PTPRN2: variants seen among roughly 807,000 people sequenced by gnomAD.
PTPRN2 encodes the protein protein tyrosine phosphatase receptor type N2, also known as receptor-type tyrosine-protein phosphatase N2.
A neutral mutation model predicts 118.8 loss-of-function variants in PTPRN2; 74 were observed. The ratio of observed to expected loss-of-function variants is 0.62; its 90% confidence interval spans 0.52 to 0.76. The LOEUF (loss-of-function observed/expected upper bound fraction) is 0.76, where lower values mean the gene tolerates loss of function less well. Among genes scored for constraint, PTPRN2 ranks in the 30% least tolerant of loss-of-function variants. PTPRN2 has a pLI of 0.00. For missense variants in PTPRN2, 1,481 were observed against 1,394.4 expected, an observed-to-expected ratio of 1.06 and a Z score of -0.99; for synonymous variants, 641 against 608.0, an observed-to-expected ratio of 1.05 and a Z score of -0.80.
intron 11 of PTPRN2, among the ~76,000 whole-genome samples, chr7:157,902,263 G>T (rs1478153263): frequency 6.6e-6 from 1 of 152,282 alleles, no homozygotes; most frequent in African/African-American, 2.4e-5. Context: ...CTCAGAGGAT[G>T]ATCTTGTTGG....
At chr7:157,658,391 C>T (rs977892440) in intron 13 of PTPRN2, among the ~76,000 whole-genome samples, 1 of 152,222 alleles carries the variant, frequency 6.6e-6, no homozygotes, top group African/African-American at 2.4e-5. Flanking sequence ...GCTGAGTAGA[C>T]ACCAAAGCAG....
intron 12 of PTPRN2, among the ~76,000 whole-genome samples, chr7:157,706,564 G>A (rs1200558827): frequency 1.3e-5 from 2 of 151,664 alleles, no homozygotes; most frequent in Non-Finnish European, 1.5e-5. Context: ...CTGGATAAAC[G>A]TGGACCACAT....
chr7:158,420,700 G>A (rs556474423), intron 2 of PTPRN2, among the ~76,000 whole-genome samples: 2 of 152,278 alleles, frequency 1.3e-5, no homozygotes, highest in Non-Finnish European at 2.9e-5. Flanking sequence ...GGGCTTCCCA[G>A]AAGATACTCC....
chr7:157,917,181 G>A (rs920647072), intron 11 of PTPRN2, among the ~76,000 whole-genome samples: 1 of 152,262 alleles, frequency 6.6e-6, no homozygotes, highest in Admixed American at 6.5e-5. Flanking sequence ...TCCAGGACAG[G>A]CTGCCGCAGC....
intron 3 of PTPRN2, among the ~76,000 whole-genome samples, chr7:158,259,442 C>A (rs146221104): frequency 1.3e-5 from 2 of 152,230 alleles, no homozygotes; most frequent in East Asian, 1.9e-4. Context: ...ATCACAGACA[C>A]CCCTCAGAGC....
rs1483569121 is a variant in PTPRN2, at chr7:157,622,118, C to T, written c.2197-609G>A. On this transcript the variant is annotated intron_variant, in intron 14 of 22. Coordinates refer to ENST00000389418, the MANE Select transcript of PTPRN2 (RefSeq NM_002847.5). The surrounding 1 kb of genome is among the most constrained non-coding windows in gnomAD (Gnocchi z 5.3). ...TGAAAATTCCCTTCCACAAAAACCC[C>T]CATGCCGCCAGCACAGCCCACTCGG... is the stretch of plus-strand genomic sequence containing the variant. Among the ~76,000 whole-genome samples, 1 of 152,074 alleles carries T rather than the reference C, an allele frequency of 6.6e-6. No homozygotes were observed. The highest frequency in any genetic ancestry group is 1.5e-5 in the Non-Finnish European group (1 of 68,020).
intron 2 of PTPRN2, among the ~76,000 whole-genome samples, chr7:158,408,410 T>A (rs773795167): frequency 6.6e-6 from 1 of 152,352 alleles, no homozygotes; most frequent in Middle Eastern, 3.4e-3. Flanking sequence ...ATTTTTCAAA[T>A]AGACTTTTAA....
intron 11 of PTPRN2, among the ~76,000 whole-genome samples, chr7:157,946,522 G>C (rs191451883): frequency 6.6e-6 from 1 of 152,180 alleles, no homozygotes; most frequent in South Asian, 2.1e-4. Flanking sequence ...ATGCAGCCCA[G>C]ATGTGAAGGC....
At chr7:157,917,425 G>C (rs1256144731) in intron 11 of PTPRN2, among the ~76,000 whole-genome samples, 2 of 152,224 alleles carry the variant, frequency 1.3e-5, no homozygotes, top group South Asian at 2.1e-4. Flanking sequence ...AGCCATAACA[G>C]GGTAAATAAA....
chr7:157,917,341 T>C (rs1471032663), intron 11 of PTPRN2, among the ~76,000 whole-genome samples: 1 of 152,236 alleles, frequency 6.6e-6, no homozygotes, highest in Non-Finnish European at 1.5e-5. Context: ...ATTTTCTCCT[T>C]GGAAACTGAA....
chr7:158,197,288 C>T (rs1391667473), intron 4 of PTPRN2, among the ~76,000 whole-genome samples: 1 of 152,134 alleles, frequency 6.6e-6, no homozygotes, highest in African/African-American at 2.4e-5. Context: ...CAAACATGAC[C>T]ATCTGGTACT....
chr7:158,337,620 A>C (rs6956541), intron 2 of PTPRN2, among the ~76,000 whole-genome samples: 1,388 of 35,782 alleles, frequency 0.039, no homozygotes, highest in South Asian at 0.047. Flanking sequence ...CCATAAGAGG[A>C]GACACCTGCA....
rs117235417 is a variant in PTPRN2 at position 158,282,466 on chromosome 7, A to T, written c.277+34353T>A. On this transcript the variant is annotated intron_variant, in intron 3 of 22. Transcript: ENST00000389418. ...GCAGATCAGGAGTCTGGCCTGGCTC[A>T]GATGTCCACAGCCAGGAAGCCGCGG... 1.9e-3 allele frequency among the ~76,000 whole-genome samples: 296 copies of T among 152,358 alleles called. 4 individuals are homozygous for T. The East Asian group carries it at 0.047, about 24-fold the overall frequency.
rs1371889860 is a variant in PTPRN2, at chr7:158,015,187, C to T, written c.1723+66111G>A. ...CGGTCAGCTGACCTTTCTTCATGAG[C>T]ACTGCAGAGTGCCAGTCTGTGCCTC... On this transcript the variant is annotated intron_variant, in intron 11 of 22. Coordinates refer to ENST00000389418, the MANE Select transcript of PTPRN2 (RefSeq NM_002847.5). This position sits in a 1 kb window ranked among gnomAD's most constrained non-coding sequence, Gnocchi z 4.2. Among the ~76,000 whole-genome samples the T allele has an allele frequency of 6.6e-6, 1 of 152,172 alleles. No individual in the cohort carries two copies. Among genetic ancestry groups the T allele is most frequent in the Non-Finnish European group, 1.5e-5 (1 of 68,044 alleles).
At chr7:158,515,562 A>G (rs1426685446) in intron 1 of PTPRN2, among the ~76,000 whole-genome samples, 3 of 152,120 alleles carry the variant, frequency 2.0e-5, no homozygotes, top group Non-Finnish European at 2.9e-5. Context: ...TTCTCACTCA[A>G]TTTGGCTGCA....
intron 11 of PTPRN2, among the ~76,000 whole-genome samples, chr7:157,947,834 G>C (rs1031402328): frequency 2.0e-5 from 3 of 152,214 alleles, no homozygotes; most frequent in African/African-American, 7.2e-5. Context: ...TTGTACTTGA[G>C]ATCGTCAATA....
In PTPRN2 at chr7:157,603,414, C is replaced by T. The variant is rs1017195788; in HGVS notation, c.2418+588G>A. ...CCACAGGCCACAGGGACTCATAACT[C>T]ACGGCACAGGAGCTGCCACCACACT... On this transcript the variant is annotated intron_variant, in intron 16 of 22. Coordinates refer to ENST00000389418, the MANE Select transcript of PTPRN2 (RefSeq NM_002847.5). The surrounding 1 kb of genome is among the most constrained non-coding windows in gnomAD (Gnocchi z 5.4). 1.3e-5 allele frequency among the ~76,000 whole-genome samples: 2 copies of T among 152,206 alleles called. No individual in the cohort carries two copies. Among genetic ancestry groups the T allele is most frequent in the Non-Finnish European group, 2.9e-5 (2 of 68,032 alleles).
At chr7:158,181,626 G>A (rs774039158) in intron 5 of PTPRN2, among the ~76,000 whole-genome samples, 8 of 152,112 alleles carry the variant, frequency 5.3e-5, no homozygotes, top group Non-Finnish European at 1.0e-4. Flanking sequence ...CTTGTTATTA[G>A]TCTGTTCAGG....
At chr7:158,556,485 G>A (rs9691080) in intron 1 of PTPRN2, among the ~76,000 whole-genome samples, 60 of 151,888 alleles carry the variant, frequency 4.0e-4, no homozygotes, top group Non-Finnish European at 6.3e-4. Context: ...ACTGGGAGGC[G>A]GAAGTTGCAG....
Sources: gnomAD v4.1 joint callset for allele counts (sites outside exome capture counted in the v4.1 genomes callset) on GRCh38, gnomAD v4.1.1 for gene constraint, Gnocchi (gnomAD v3.1) non-coding constraint, MANE v1.5 for transcripts, NCBI Gene and HGNC (gene_info 2026-07-23, HGNC 2026-07-21) for gene names.